PIWIL3: variants seen among roughly 807,000 people sequenced by gnomAD.
PIWIL3 encodes piwi like RNA-mediated gene silencing 3, also known as piwi-like protein 3.
PIWIL3 carries 101 observed loss-of-function variants against 109.7 expected under a neutral mutation model. The observed-to-expected ratio is 0.92, with a 90% CI of 0.78 to 1.09. The LOEUF is 1.09. PIWIL3 is among the 50% of genes least tolerant of loss of function. The pLI, the probability that PIWIL3 is intolerant of heterozygous loss-of-function variation, is 0.00. For missense variants in PIWIL3, 1,031 were observed against 1,072.6 expected, an observed-to-expected ratio of 0.96 and a Z score of 0.54; for synonymous variants, 373 against 376.4, an observed-to-expected ratio of 0.99 and a Z score of 0.10.
chr22:24,770,314 G>A (rs1926061129), intron 1 of PIWIL3, among the ~76,000 whole-genome samples: 1 of 152,212 alleles, frequency 6.6e-6, no homozygotes, highest in South Asian at 2.1e-4. Flanking sequence ...TTTTTCTGAA[G>A]TATGTCCTTC....
At position 24,751,571 on chromosome 22, in the gene PIWIL3, T is replaced by G. The variant is rs1464031591; in HGVS notation, c.978-73A>C. On this transcript the variant is annotated intron_variant, in intron 8 of 20. Coordinates refer to ENST00000616349, the MANE Select transcript of PIWIL3 (RefSeq NM_001255975.1). ...GAACCATCCACACAGAAAATAGACATTTTTAATCCTGCAAGGAATTGCAGA... is the reference window on the plus strand; with the variant it reads ...GAACCATCCACACAGAAAATAGACAGTTTTAATCCTGCAAGGAATTGCAGA... 26 of 1,555,858 alleles carry G rather than the reference T, an allele frequency of 1.7e-5. No individual in the cohort carries two copies. The East Asian group carries it at 5.9e-4, about 35-fold the overall frequency.
At chr22:24,728,543 TATAAC>T (rs1289611730) in intron 14 of PIWIL3, 169 bp from the exon 15 acceptor site, 7 of 562,494 alleles carry the variant, frequency 1.2e-5, no homozygotes, top group Non-Finnish European at 2.1e-5. Flanking sequence ...TGTTATTAAT[TATAAC>T]ATAATTATAT....
rs56087060 is a variant in PIWIL3 at position 24,720,259 on chromosome 22, G to GTTTTTTTT, written c.2358-372_2358-365dup. ...AGAATCACTGGACTATATTTAAACT[G>GTTTTTTTT]TTTTTTTTTTTTTTTTTTTTTTTTT... is the stretch of plus-strand genomic sequence containing the variant. On this transcript the variant is annotated intron_variant, in intron 19 of 20. Transcript: ENST00000616349. Among the ~76,000 whole-genome samples the GTTTTTTTT allele has an allele frequency of 2.3e-4, 24 of 105,518 alleles. 2 individuals carry two copies. The highest frequency in any genetic ancestry group is 6.6e-4 in the African/African-American group (19 of 28,950). The allele number at this position is 105,518 out of a possible 152,430, so 69.2% of individuals were successfully genotyped here. A position where few individuals can be genotyped will look rare whatever the true frequency, so the allele number is the denominator to read the frequency against.
chr22:24,740,630 A>G (rs1247744345), intron 12 of PIWIL3, among the ~76,000 whole-genome samples: 1 of 152,082 alleles, frequency 6.6e-6, no homozygotes, highest in African/African-American at 2.4e-5. Context: ...CACTATGAAC[A>G]CCTTTACACA....
intron 1 of PIWIL3, among the ~76,000 whole-genome samples, chr22:24,766,614 G>C (rs939954477): frequency 6.6e-6 from 1 of 152,014 alleles, no homozygotes; most frequent in South Asian, 2.1e-4. Flanking sequence ...GAGCCACCGC[G>C]CCTGGCCTAG....
chr22:24,755,918 A>AC lies in PIWIL3; in HGVS notation c.571-14_571-13insG. 1 of 1,583,214 alleles carries AC rather than the reference A, an allele frequency of 6.3e-7. No homozygotes were observed. The highest frequency in any genetic ancestry group is 8.5e-7 in the Non-Finnish European group (1 of 1,169,718). On this transcript the variant is annotated splice_polypyrimidine_tract_variant and intron_variant, in intron 5 of 20. Transcript: ENST00000616349. ...ACCATTCCACTCTCTGAGATTAAAAAAAAACAAAAAAAAAAGTCCAGATAT... is the reference window on the plus strand; with the variant it reads ...ACCATTCCACTCTCTGAGATTAAAAACAAAACAAAAAAAAAAGTCCAGATAT...
intron 1 of PIWIL3, among the ~76,000 whole-genome samples, chr22:24,763,139 C>CT (rs1356397807): frequency 7.8e-6 from 1 of 128,478 alleles, no homozygotes; most frequent in South Asian, 2.7e-4. Context: ...CCTGGTAAAA[C>CT]TTTTTTTTCT....
chr22:24,771,395 G>A (rs943876292), intron 1 of PIWIL3, among the ~76,000 whole-genome samples: 4 of 151,060 alleles, frequency 2.6e-5, no homozygotes, highest in East Asian at 2.0e-4. Flanking sequence ...GGAGAATGGC[G>A]TGAACCTGGG....
intron 12 of PIWIL3, among the ~76,000 whole-genome samples, chr22:24,739,708 A>ATCT (rs1015431053): frequency 6.6e-6 from 1 of 152,128 alleles, no homozygotes; most frequent in Admixed American, 6.5e-5. Context: ...TCAATCAGAA[A>ATCT]AAGAGGAATG....
intron 12 of PIWIL3, among the ~76,000 whole-genome samples, chr22:24,742,537 T>A (rs999951762): frequency 1.3e-5 from 2 of 152,178 alleles, no homozygotes; most frequent in African/African-American, 4.8e-5. Flanking sequence ...AACATGGTAC[T>A]GGTATAAAAA....
chr22:24,750,741 G>A (rs1467146152), intron 9 of PIWIL3, among the ~76,000 whole-genome samples: 1 of 149,868 alleles, frequency 6.7e-6, no homozygotes, highest in Non-Finnish European at 1.5e-5. Context: ...GCCCTCCTTG[G>A]CCTCCCAAAG....
chr22:24,751,738 C>T (rs2033207126), intron 8 of PIWIL3, among the ~76,000 whole-genome samples: 1 of 152,200 alleles, frequency 6.6e-6, no homozygotes, highest in Non-Finnish European at 1.5e-5. Flanking sequence ...CAGTCACTTC[C>T]CATTTTAGCC....
In PIWIL3 at chr22:24,724,546, T is replaced by G. The variant is rs191941229; in HGVS notation, c.2231+341A>C. On this transcript the variant is annotated intron_variant, in intron 18 of 20. Coordinates refer to ENST00000616349, the MANE Select transcript of PIWIL3 (RefSeq NM_001255975.1). ...GCCTCCCGGGTTCAAGTGATTCTCC[T>G]GCCTCAGCCTCCCGAGTAGCTGGGA... Among the ~76,000 whole-genome samples, 96 of 152,094 alleles carry G rather than the reference T, an allele frequency of 6.3e-4. No individual in the cohort carries two copies. In the East Asian group the frequency reaches 0.015, roughly 23 times the overall value.
intron 2 of PIWIL3, among the ~76,000 whole-genome samples, chr22:24,760,794 A>AAAAAAAAAAAAAAAAAAAAAAAAAAAG (rs1925388100): frequency 6.7e-6 from 1 of 149,008 alleles, no homozygotes; most frequent in East Asian, 2.0e-4. Flanking sequence ...AAAAAAAAAA[A>AAAAAAAAAAAAAAAAAAAAAAAAAAAG]AAAAAAAAAG....
At chr22:24,724,854 G>C in intron 18 of PIWIL3, 33 bp downstream of exon 18, 1 of 1,596,974 alleles carries the variant, frequency 6.3e-7, no homozygotes, top group Non-Finnish European at 8.6e-7. Context: ...TTACAGGCAT[G>C]AGTCACTACA....
chr22:24,742,116 T>A (rs1924041434), intron 12 of PIWIL3, among the ~76,000 whole-genome samples: 3 of 95,634 alleles, frequency 3.1e-5, no homozygotes, highest in African/African-American at 8.1e-5. Context: ...AAGCTAAGAA[T>A]CAAATCAAGA....
chr22:24,756,422 G>A, intron 5 of PIWIL3, 69 bp downstream of exon 5: 1 of 1,414,966 alleles, frequency 7.1e-7, no homozygotes, highest in Non-Finnish European at 9.7e-7. Flanking sequence ...AAAAACAATA[G>A]GTGTTTTATT....
chr22:24,750,536 T>A (rs979712504), intron 9 of PIWIL3, among the ~76,000 whole-genome samples: 119 of 139,864 alleles, frequency 8.5e-4, no homozygotes, highest in Non-Finnish European at 7.4e-4. Context: ...TTGCCCAGGC[T>A]GGAGTGCAAC....
Position 24,757,970 on chromosome 22 carries a change from ACT to A in PIWIL3, c.291_292del (p.Val98PhefsTer16). ...GGTGTTCACCACCAGGTCTTGAAAAACTCCACCAATCCTTCTCTCCTGCAAGG... is the reference window on the plus strand; with the variant it reads ...GGTGTTCACCACCAGGTCTTGAAAAACCACCAATCCTTCTCTCCTGCAAGG... On this transcript the variant is annotated frameshift_variant, in exon 4 of 21. Transcript: ENST00000616349. LOFTEE classifies it high-confidence loss of function. 1 of 1,612,816 alleles carries A rather than the reference ACT, an allele frequency of 6.2e-7. No individual in the cohort carries two copies. The highest frequency in any genetic ancestry group is 1.1e-5 in the South Asian group (1 of 90,986).
Sources: allele counts gnomAD v4.1 joint callset (sites outside exome capture counted in the v4.1 genomes callset), GRCh38; gene constraint gnomAD v4.1.1; transcripts MANE v1.5; gene names NCBI Gene and HGNC (gene_info 2026-07-23, HGNC 2026-07-21).